The following STARD9 variants were observed in gnomAD, a reference collection of about 807,000 sequenced individuals.
STARD9 encodes the protein stAR-related lipid transfer protein 9.
In STARD9, 346 loss-of-function variants were observed where a neutral mutation model predicts 399.8. The observed-to-expected ratio is 0.87, with a 90% confidence interval of 0.79 to 0.95. The LOEUF (loss-of-function observed/expected upper bound fraction) is 0.95. Among genes scored for constraint, STARD9 ranks in the 40% least tolerant of loss-of-function variants. The pLI, the probability that STARD9 is intolerant of heterozygous loss-of-function variation, is 0.00. For missense variants in STARD9, 5,832 were observed against 5,667.5 expected (o/e 1.03, Z -0.93); for synonymous variants, 2,203 against 2,143.5 (o/e 1.03, Z -0.77).
At chr15:42,608,872 C>T (rs144975326) in intron 3 of STARD9, among the ~76,000 whole-genome samples, 28 of 152,338 alleles carry the variant, frequency 1.8e-4, no homozygotes, top group African/African-American at 6.3e-4. Flanking sequence ...TTTTAGTCAA[C>T]ACTCATTTAT....
chr15:42,658,706 C>T (rs1237782115), intron 9 of STARD9, among the ~76,000 whole-genome samples: 8 of 151,542 alleles, frequency 5.3e-5, no homozygotes, highest in African/African-American at 1.9e-4. Context: ...TGGTCTTGAA[C>T]TCCTGATCTC....
chr15:42,586,087 C>T (rs1262744211), intron 3 of STARD9, among the ~76,000 whole-genome samples: 8 of 152,330 alleles, frequency 5.3e-5, no homozygotes, highest in Admixed American at 5.2e-4. Context: ...TTGAACAAGA[C>T]ATCAAAGTTG....
At chr15:42,672,018 G>T (rs552663644) in intron 16 of STARD9, 1 of 152,326 alleles carries the variant, frequency 6.6e-6, no homozygotes, top group South Asian at 2.1e-4. Flanking sequence ...TGGTGGACCT[G>T]GGTGATGAGA....
At chr15:42,655,133 T>A (rs1203074805) in intron 9 of STARD9, among the ~76,000 whole-genome samples, 9 of 151,964 alleles carry the variant, frequency 5.9e-5, no homozygotes, top group Admixed American at 5.2e-4. Context: ...ATAGAAAAAA[T>A]TAGCTGGGCG....
chr15:42,688,177 C>T lies in STARD9; in HGVS notation c.6599C>T (p.Pro2200Leu), dbSNP rs1432492479. 1.3e-6 allele frequency: 2 copies of T among 1,537,474 alleles called. No individual in the cohort carries two copies. The highest frequency in any genetic ancestry group is 1.2e-5 in the South Asian group (1 of 84,062). Residue 2200 changes from proline to leucine, a missense_variant, in exon 23 of 33, where the codon CCA becomes CTA. This residue lies in a region of STARD9 where 5,828 missense variants were observed against 5,651.1 expected (regional missense o/e 1.03). Transcript: ENST00000290607. Reference sequence around the variant, plus strand: ...GAGTTCACCAACACTTCTCTTCACCCACAGAGAATGAAAGCATTGGCTAGA... The same window carrying T: ...GAGTTCACCAACACTTCTCTTCACCTACAGAGAATGAAAGCATTGGCTAGA... ...CREFTNTSLH[P>L]QRMKALARAL...
rs1408417473 is a variant in STARD9, at chr15:42,695,159, A to G, written c.12982A>G (p.Arg4328Gly). 2.7e-5 allele frequency: 42 copies of G among 1,533,598 alleles called. No homozygotes were observed. The highest frequency in any genetic ancestry group is 3.9e-5 in the Admixed American group (2 of 50,772). 95.0% of individuals were successfully genotyped at this position (1,533,598 alleles called of 1,614,324 possible). A position where few individuals can be genotyped will look rare whatever the true frequency, so the allele number is the denominator to read the frequency against. Residue 4328 changes from arginine (R) to glycine (G), a missense_variant, in exon 25 of 33, where the codon AGG (arginine) becomes GGG (glycine). Around this residue, in one of 2 missense-constraint regions of STARD9, gnomAD observed 5,828 missense variants for 5,651.1 expected, o/e 1.03. Transcript: ENST00000290607. Reference protein sequence around the residue: ...ETTRSPESVSRSAHTPSDIEL... With the variant: ...ETTRSPESVSGSAHTPSDIEL... ...CCTCAGGAGCCCAGAGTCAGTGTCAAGGTCAGCTCACACACCCTCTGACAT... is the reference window on the plus strand; with the variant it reads ...CCTCAGGAGCCCAGAGTCAGTGTCAGGGTCAGCTCACACACCCTCTGACAT...
intron 26 of STARD9, among the ~76,000 whole-genome samples, chr15:42,710,914 TG>T (rs1392449090): frequency 1.4e-5 from 1 of 72,862 alleles, no homozygotes; most frequent in African/African-American, 3.7e-4. Flanking sequence ...TCTCTCTCTC[TG>T]TGTGTGTGTG....
intron 16 of STARD9, among the ~76,000 whole-genome samples, chr15:42,674,206 G>A (rs1235296412): frequency 6.6e-6 from 1 of 152,204 alleles, no homozygotes; most frequent in Non-Finnish European, 1.5e-5. Context: ...CTGCTTTGTG[G>A]TATATTTTTT....
At chr15:42,639,104 A>G (rs769466501) in intron 7 of STARD9, among the ~76,000 whole-genome samples, 5 of 152,242 alleles carry the variant, frequency 3.3e-5, no homozygotes, top group Non-Finnish European at 5.9e-5. Context: ...GCCCACCTGT[A>G]TGAGGTGATC....
chr15:42,665,354 C>T (rs1308546157), intron 14 of STARD9, 24 bp downstream of exon 14: 3 of 1,525,412 alleles, frequency 2.0e-6, no homozygotes, highest in Non-Finnish European at 8.8e-7. Flanking sequence ...CAGAACCTTT[C>T]CGTACTTAAG....
chr15:42,582,312 T>C (rs570546113), intron 1 of STARD9, among the ~76,000 whole-genome samples: 33 of 152,328 alleles, frequency 2.2e-4, no homozygotes, highest in Middle Eastern at 3.4e-3. Flanking sequence ...TGATAACTTT[T>C]ATTGTTTGTA....
At chr15:42,626,790 G>A (rs1411910239) in intron 3 of STARD9, among the ~76,000 whole-genome samples, 1 of 151,750 alleles carries the variant, frequency 6.6e-6, no homozygotes, top group East Asian at 1.9e-4. Flanking sequence ...GAGATTACAG[G>A]TGTGAGCCAC....
intron 26 of STARD9, among the ~76,000 whole-genome samples, chr15:42,701,722 C>T (rs990315054): frequency 5.3e-5 from 8 of 152,078 alleles, no homozygotes; most frequent in East Asian, 1.9e-4. Context: ...TGGCCAGGCA[C>T]GGTGGCTCAC....
Position 42,668,981 on chromosome 15 carries a change from G to A in STARD9, c.1318-177G>A, listed in dbSNP as rs181367489. Reference sequence around the variant, plus strand: ...AACACTTGCTTATTGAAGAAAACTTGGAAAACACAGCTTGCAGTTGGAGGA... The same window carrying A: ...AACACTTGCTTATTGAAGAAAACTTAGAAAACACAGCTTGCAGTTGGAGGA... On this transcript the variant is annotated intron_variant, in intron 15 of 32. Coordinates refer to ENST00000290607, the MANE Select transcript of STARD9 (RefSeq NM_020759.3). Among the ~76,000 whole-genome samples, 193 of 152,236 alleles carry A rather than the reference G, an allele frequency of 1.3e-3. 1 individual carries two copies. Among genetic ancestry groups the A allele is most frequent in the African/African-American group, 4.5e-3 (186 of 41,522 alleles).
chr15:42,579,149 G>A (rs2058117527), intron 1 of STARD9, among the ~76,000 whole-genome samples: 1 of 152,144 alleles, frequency 6.6e-6, no homozygotes. Flanking sequence ...AGAGGTAGGT[G>A]GGAAGGAGGG....
chr15:42,694,035 C>T lies in STARD9; in HGVS notation c.12457C>T (p.Pro4153Ser), dbSNP rs1182538285. 4.6e-6 allele frequency: 7 copies of T among 1,534,120 alleles called. No homozygotes were observed. Among genetic ancestry groups the T allele is most frequent in the Admixed American group, 2.0e-5 (1 of 50,562 alleles). ...CTGGTGTGGGGTTCAGAAGGGCTCA[C>T]CTGGGGGGTTGGACATGACTGAGGA... is the stretch of plus-strand genomic sequence containing the variant. ...SNWCGVQKGS[P>S]GGLDMTEEEL... Residue 4153 changes from proline (P) to serine (S), a missense_variant, in exon 23 of 33, where the codon CCT becomes TCT. By Grantham distance (74) the Pro-to-Ser change is moderately conservative. Coordinates refer to ENST00000290607, the MANE Select transcript of STARD9 (RefSeq NM_020759.3).
chr15:42,703,614 C>T (rs1281832568), intron 26 of STARD9, among the ~76,000 whole-genome samples: 1 of 150,902 alleles, frequency 6.6e-6, no homozygotes, highest in Admixed American at 6.6e-5. Flanking sequence ...ACCTCATGAT[C>T]CACCCACCTC....
intron 26 of STARD9, among the ~76,000 whole-genome samples, chr15:42,700,735 C>T (rs1328797225): frequency 6.6e-6 from 1 of 152,134 alleles, no homozygotes; most frequent in African/African-American, 2.4e-5. Context: ...TGTCTCTTCA[C>T]TCTTTTTTCC....
At chr15:42,716,531 G>A in intron 26 of STARD9, 146 bp from the exon 27 acceptor site, 1 of 611,518 alleles carries the variant, frequency 1.6e-6, no homozygotes, top group Non-Finnish European at 2.9e-6. Flanking sequence ...TCTTCTTTGG[G>A]GGACATCGAG....
Sources: allele counts gnomAD v4.1 joint callset (sites outside exome capture counted in the v4.1 genomes callset), GRCh38; gene constraint gnomAD v4.1.1; regional missense constraint gnomAD v4.1.1; transcripts MANE v1.5; gene names NCBI Gene and HGNC (gene_info 2026-07-23, HGNC 2026-07-21).